Variants in PTPRD observed in about 807,000 individuals in gnomAD.
PTPRD encodes the protein protein tyrosine phosphatase receptor type D.
PTPRD carries 34 observed loss-of-function variants against 214.5 expected under a neutral mutation model. That is an observed-to-expected ratio of 0.16 (90% CI 0.12 to 0.21). The LOEUF is 0.21. PTPRD is among the 10% of genes least tolerant of loss of function. The probability of loss-of-function intolerance (pLI) is 1.00; values close to 1 mark genes in which losing one functional copy is unlikely to be tolerated. For missense variants in PTPRD, 2,545 were observed against 2,398.7 expected, an observed-to-expected ratio of 1.06 and a Z score of -1.27; for synonymous variants, 1,128 against 845.7, an observed-to-expected ratio of 1.33 and a Z score of -5.79.
At chr9:10,368,309 C>A (rs1027278248) in intron 2 of PTPRD, among the ~76,000 whole-genome samples, 4 of 151,898 alleles carry the variant, frequency 2.6e-5, no homozygotes, top group African/African-American at 9.7e-5. Context: ...AGATAGAAGA[C>A]CTACAATGTC....
intron 5 of PTPRD, among the ~76,000 whole-genome samples, chr9:9,896,651 G>A (rs918024735): frequency 1.3e-5 from 2 of 152,030 alleles, no homozygotes; most frequent in Non-Finnish European, 2.9e-5. Context: ...TCATATTTAA[G>A]AGGATCAGTC....
chr9:10,474,621 T>A (rs2099051301), intron 2 of PTPRD, among the ~76,000 whole-genome samples: 1 of 151,938 alleles, frequency 6.6e-6, no homozygotes, highest in African/African-American at 2.4e-5. Flanking sequence ...GAACTCGGCT[T>A]TGGACCAAGC....
At chr9:9,223,907 T>C (rs1357758596) in intron 9 of PTPRD, among the ~76,000 whole-genome samples, 4 of 152,062 alleles carry the variant, frequency 2.6e-5, no homozygotes, top group African/African-American at 7.2e-5. Context: ...CCTGGAATTA[T>C]GCTTGCATGG....
chr9:9,155,748 G>A (rs1037004447), intron 10 of PTPRD, among the ~76,000 whole-genome samples: 5 of 152,196 alleles, frequency 3.3e-5, no homozygotes, highest in Non-Finnish European at 7.4e-5. Context: ...CTGATGTGAG[G>A]GTAAGAGGTA....
At chr9:8,636,575 C>T (rs2096442148) in intron 13 of PTPRD, 124 bp downstream of exon 13, 23 of 1,183,328 alleles carry the variant, frequency 1.9e-5, no homozygotes, top group Non-Finnish European at 2.3e-5. Context: ...CCATCACTTG[C>T]AATGTAAGGA....
intron 21 of PTPRD, among the ~76,000 whole-genome samples, chr9:8,510,222 C>G (rs148418760): frequency 1.3e-5 from 2 of 151,990 alleles, no homozygotes; most frequent in African/African-American, 4.8e-5. Flanking sequence ...AGTCCAGGAG[C>G]GTGAGGCTAC....
rs1280843692 is a variant in PTPRD, at chr9:8,336,707, C to T, written c.5379+2215G>A. ...GAGGAAATTTTTGCTATCTATCCAC[C>T]TGACAAAGGGCTAATATCCAGAATC... On this transcript the variant is annotated intron_variant, in intron 43 of 45. Transcript: ENST00000381196. Among the ~76,000 whole-genome samples, 3 of 150,988 alleles carry T rather than the reference C, an allele frequency of 2.0e-5. No homozygotes were observed. In the East Asian group the frequency reaches 5.8e-4, roughly 29 times the overall value.
chr9:10,216,425 T>A (rs558693150), intron 3 of PTPRD, among the ~76,000 whole-genome samples: 3 of 152,080 alleles, frequency 2.0e-5, no homozygotes, highest in South Asian at 4.1e-4. Context: ...TATACAGTCT[T>A]TATATACACC....
At chr9:9,020,696 A>C (rs2099564755) in intron 10 of PTPRD, among the ~76,000 whole-genome samples, 1 of 152,154 alleles carries the variant, frequency 6.6e-6, no homozygotes, top group Admixed American at 6.5e-5. Flanking sequence ...TGGAAATGTT[A>C]AGTTGGGTAA....
At chr9:8,948,505 T>TTATATATATA (rs1189733065) in intron 11 of PTPRD, among the ~76,000 whole-genome samples, 1 of 13,064 alleles carries the variant, frequency 7.7e-5, no homozygotes, top group African/African-American at 1.9e-4. Context: ...ATATATATAT[T>TTATATATATA]TATATATATA....
At chr9:9,838,772 T>G (rs1215607259) in intron 5 of PTPRD, among the ~76,000 whole-genome samples, 2 of 152,208 alleles carry the variant, frequency 1.3e-5, no homozygotes, top group African/African-American at 4.8e-5. Flanking sequence ...TTAGTTTAAT[T>G]AGATCCCATT....
chr9:9,664,803 G>A (rs1203721177), intron 7 of PTPRD, among the ~76,000 whole-genome samples: 1 of 151,652 alleles, frequency 6.6e-6, no homozygotes, highest in Non-Finnish European at 1.5e-5. Flanking sequence ...TTTGTTGTAT[G>A]TTAATGAGAA....
intron 2 of PTPRD, among the ~76,000 whole-genome samples, chr9:10,341,298 A>G (rs561994138): frequency 3.3e-5 from 5 of 151,784 alleles, no homozygotes; most frequent in African/African-American, 1.2e-4. Flanking sequence ...CTAGGCCACT[A>G]TAGTCACAGA....
chr9:9,189,644 G>C (rs1031061164), intron 9 of PTPRD, among the ~76,000 whole-genome samples: 1 of 151,978 alleles, frequency 6.6e-6, no homozygotes, highest in African/African-American at 2.4e-5. Context: ...AAAAGCAGAA[G>C]ACAGGAACTG....
intron 45 of PTPRD, 148 bp downstream of exon 45, chr9:8,319,683 G>T: frequency 9.0e-6 from 8 of 888,194 alleles, no homozygotes; most frequent in Middle Eastern, 2.3e-4. Context: ...ATTTAAAAAG[G>T]GGGAAAATGA....
chr9:10,607,734 T>C (rs1400552560), intron 2 of PTPRD, among the ~76,000 whole-genome samples: 2 of 151,986 alleles, frequency 1.3e-5, no homozygotes, highest in Non-Finnish European at 2.9e-5. Context: ...ACATGAATTA[T>C]AATGAAAAAT....
intron 4 of PTPRD, among the ~76,000 whole-genome samples, chr9:9,962,810 TAA>T (rs1369951110): frequency 6.6e-6 from 1 of 152,044 alleles, no homozygotes; most frequent in African/African-American, 2.4e-5. Flanking sequence ...AGCAGAAATA[TAA>T]GAGTTCAATA....
chr9:9,356,138 G>A (rs892823591), intron 9 of PTPRD, among the ~76,000 whole-genome samples: 21 of 151,290 alleles, frequency 1.4e-4, no homozygotes, highest in Non-Finnish European at 2.8e-4. Flanking sequence ...ATTAATTTCA[G>A]GAAATTTTTT....
At chr9:9,223,005 A>G (rs1159269682) in intron 9 of PTPRD, among the ~76,000 whole-genome samples, 1 of 152,068 alleles carries the variant, frequency 6.6e-6, no homozygotes, top group Non-Finnish European at 1.5e-5. Flanking sequence ...ACTTTTTCTT[A>G]CTGTAACTAT....
Sources: gnomAD v4.1 joint callset for allele counts (sites outside exome capture counted in the v4.1 genomes callset) on GRCh38, gnomAD v4.1.1 for gene constraint, MANE v1.5 for transcripts, NCBI Gene and HGNC (gene_info 2026-07-23, HGNC 2026-07-21) for gene names.